ARHGAP15: variants seen among roughly 807,000 people sequenced by gnomAD.
The protein encoded by ARHGAP15 is rho GTPase-activating protein 15.
A neutral mutation model predicts 63.7 loss-of-function variants in ARHGAP15; 51 were observed. That is an observed-to-expected ratio of 0.80 (90% CI 0.64 to 1.01). ARHGAP15 has a LOEUF of 1.01. Among genes scored for constraint, ARHGAP15 ranks in the 50% least tolerant of loss-of-function variants. ARHGAP15 has a pLI of 0.00. For missense variants in ARHGAP15, 560 were observed against 564.6 expected (o/e 0.99, Z 0.08); for synonymous variants, 191 against 193.8 (o/e 0.99, Z 0.12).
chr2:143,145,550 A>C (rs572551612), intron 1 of ARHGAP15, among the ~76,000 whole-genome samples: 15 of 152,122 alleles, frequency 9.9e-5, no homozygotes, highest in Non-Finnish European at 1.5e-4. Flanking sequence ...CAATCTGCAA[A>C]TCTGAACTTC....
chr2:143,167,732 T>C (rs1038813876), intron 2 of ARHGAP15, among the ~76,000 whole-genome samples: 1 of 152,072 alleles, frequency 6.6e-6, no homozygotes, highest in African/African-American at 2.4e-5. Context: ...GTATTCACAC[T>C]CTAGGGTGAA....
chr2:143,506,587 C>T (rs1290781715), intron 9 of ARHGAP15, among the ~76,000 whole-genome samples: 1 of 152,148 alleles, frequency 6.6e-6, no homozygotes, highest in Non-Finnish European at 1.5e-5. Flanking sequence ...CCTTCCCTTC[C>T]TTTGCTGGCC....
rs544751185 is a variant in ARHGAP15 at position 143,408,334 on chromosome 2, T to A, written c.475-27267T>A. The stretch of plus-strand genomic sequence containing the variant: ...CTATAAAATTTTTATATAATTTTTT[T>A]ATATAAATTTTGTGCGCTTTTCTAT... On this transcript the variant is annotated intron_variant, in intron 6 of 13. Transcript: ENST00000295095. Among the ~76,000 whole-genome samples, 38 of 151,136 alleles carry A rather than the reference T, an allele frequency of 2.5e-4. No homozygotes were observed. In the East Asian group the frequency reaches 3.7e-3, roughly 15 times the overall value.
At chr2:143,573,885 G>C (rs796258807) in intron 11 of ARHGAP15, among the ~76,000 whole-genome samples, 8 of 151,942 alleles carry the variant, frequency 5.3e-5, no homozygotes, top group African/African-American at 1.9e-4. Flanking sequence ...GTTCATATTT[G>C]GTCCATTTCT....
At chr2:143,517,010 C>T (rs1271999694) in intron 9 of ARHGAP15, among the ~76,000 whole-genome samples, 2 of 152,060 alleles carry the variant, frequency 1.3e-5, no homozygotes, top group African/African-American at 2.4e-5. Context: ...AGGGCAGTGG[C>T]GCGATCTCAG....
At chr2:143,410,352 G>A (rs570710433) in intron 6 of ARHGAP15, among the ~76,000 whole-genome samples, 2 of 152,172 alleles carry the variant, frequency 1.3e-5, no homozygotes, top group Admixed American at 6.5e-5. Flanking sequence ...TGAGATGAAT[G>A]TAAAAAATGT....
intron 10 of ARHGAP15, among the ~76,000 whole-genome samples, chr2:143,541,057 T>C (rs976645001): frequency 6.6e-6 from 1 of 152,240 alleles, no homozygotes; most frequent in African/African-American, 2.4e-5. Flanking sequence ...CCCATATTTC[T>C]TGGAGGCTTT....
At chr2:143,495,942 C>G (rs1378320187) in intron 9 of ARHGAP15, among the ~76,000 whole-genome samples, 1 of 152,188 alleles carries the variant, frequency 6.6e-6, no homozygotes, top group East Asian at 1.9e-4. Context: ...AATACTCTGA[C>G]AACTTCCACG....
intron 6 of ARHGAP15, among the ~76,000 whole-genome samples, chr2:143,329,250 A>T (rs989018081): frequency 6.6e-6 from 1 of 152,228 alleles, no homozygotes; most frequent in Non-Finnish European, 1.5e-5. Flanking sequence ...AATTTTGAAA[A>T]TGCAGTTAAG....
chr2:143,249,063 C>G (rs1558840576), intron 5 of ARHGAP15, among the ~76,000 whole-genome samples: 1 of 152,082 alleles, frequency 6.6e-6, no homozygotes, highest in Non-Finnish European at 1.5e-5. Context: ...CATTATCATG[C>G]TTTGAAATCT....
At chr2:143,591,598 G>T (rs1351022983) in intron 11 of ARHGAP15, among the ~76,000 whole-genome samples, 7 of 143,994 alleles carry the variant, frequency 4.9e-5, no homozygotes, top group East Asian at 2.0e-4. Context: ...GGATAAGTTG[G>T]TTTTTTTTGT....
chr2:143,330,892 C>T (rs1246321896), intron 6 of ARHGAP15, among the ~76,000 whole-genome samples: 6 of 152,182 alleles, frequency 3.9e-5, no homozygotes, highest in African/African-American at 7.2e-5. Context: ...CTTTAGATTT[C>T]CTTATGAAGG....
chr2:143,338,989 C>T (rs1357107933), intron 6 of ARHGAP15, among the ~76,000 whole-genome samples: 3 of 151,996 alleles, frequency 2.0e-5, no homozygotes, highest in South Asian at 2.1e-4. Context: ...AGAAAGAATG[C>T]CATAACAAGC....
rs534825518 is a variant in ARHGAP15, at chr2:143,487,596, T to A, written c.826+101T>A. ...AAGGAATATTAGAATATTTTATTCT[T>A]CTTAGGTTGCTTATTAAATTTTCTA... On this transcript the variant is annotated intron_variant, in intron 9 of 13. Coordinates refer to ENST00000295095, the MANE Select transcript of ARHGAP15 (RefSeq NM_018460.4). 1.4e-4 allele frequency: 186 copies of A among 1,305,670 alleles called. 2 individuals are homozygous for A. Among genetic ancestry groups the A allele is most frequent in the South Asian group, 1.4e-3 (71 of 51,768 alleles). The allele number at this position is 1,305,670 out of a possible 1,614,324, so 80.9% of individuals were successfully genotyped here. A position where few individuals can be genotyped will look rare whatever the true frequency, so the allele number is the denominator to read the frequency against.
intron 6 of ARHGAP15, among the ~76,000 whole-genome samples, chr2:143,261,903 C>G (rs1558850516): frequency 6.6e-6 from 1 of 151,992 alleles, no homozygotes; most frequent in Non-Finnish European, 1.5e-5. Flanking sequence ...AATTTTCCAC[C>G]CAAGGATAGA....
chr2:143,735,385 T>C (rs1404203496), intron 13 of ARHGAP15, among the ~76,000 whole-genome samples: 2 of 152,174 alleles, frequency 1.3e-5, no homozygotes, highest in African/African-American at 4.8e-5. Flanking sequence ...CCAAAGGGTA[T>C]TGCATAGAAT....
chr2:143,254,478 G>A (rs1680318439), intron 6 of ARHGAP15, among the ~76,000 whole-genome samples: 1 of 151,396 alleles, frequency 6.6e-6, no homozygotes, highest in African/African-American at 2.4e-5. Context: ...GTTAGGTTTT[G>A]TCTTTTCCTT....
intron 6 of ARHGAP15, among the ~76,000 whole-genome samples, chr2:143,413,268 T>C (rs1466836574): frequency 6.6e-6 from 1 of 152,174 alleles, no homozygotes; most frequent in South Asian, 2.1e-4. Context: ...TTAATCCGAG[T>C]AGAGATGATG....
At chr2:143,332,712 A>C (rs983777628) in intron 6 of ARHGAP15, among the ~76,000 whole-genome samples, 10 of 152,148 alleles carry the variant, frequency 6.6e-5, no homozygotes, top group Admixed American at 5.2e-4. Flanking sequence ...GCTTGGCTGG[A>C]AAAGAAGAGC....
Sources: gnomAD v4.1 joint callset for allele counts (sites outside exome capture counted in the v4.1 genomes callset) on GRCh38, gnomAD v4.1.1 for gene constraint, MANE v1.5 for transcripts, NCBI Gene and HGNC (gene_info 2026-07-23, HGNC 2026-07-21) for gene names.